Variants in NUP43 observed in about 807,000 individuals in gnomAD.
NUP43 encodes the protein nucleoporin Nup43.
In NUP43, 32 loss-of-function variants were observed where a neutral mutation model predicts 47.3. That is an observed-to-expected ratio of 0.68 (90% CI 0.51 to 0.91). The LOEUF (loss-of-function observed/expected upper bound fraction) is 0.91. Among genes scored for constraint, NUP43 ranks in the 40% least tolerant of loss-of-function variants. The probability of loss-of-function intolerance (pLI) is 0.00; values close to 1 mark genes in which losing one functional copy is unlikely to be tolerated. For missense variants in NUP43, 444 were observed against 453.9 expected (o/e 0.98, Z 0.20); for synonymous variants, 147 against 158.4 (o/e 0.93, Z 0.54).
rs571291165 is a variant in NUP43, at chr6:149,738,546, G to A, written c.638+97C>T. ...TAATCAGGGATCTCCCTCTTAAAATGCAATTAAAATTCAATATGGCTTAAA... is the reference window on the plus strand; with the variant it reads ...TAATCAGGGATCTCCCTCTTAAAATACAATTAAAATTCAATATGGCTTAAA... On this transcript the variant is annotated intron_variant, in intron 5 of 7. Coordinates refer to ENST00000340413, the MANE Select transcript of NUP43 (RefSeq NM_198887.3). The A allele has an allele frequency of 3.4e-6, 3 of 880,932 alleles. No homozygotes were observed. In the Admixed American group the frequency reaches 1.0e-4, roughly 29 times the overall value. The allele number at this position is 880,932 out of a possible 1,614,324, so 54.6% of individuals were successfully genotyped here.
rs766372726 is a variant in NUP43 at position 149,727,102 on chromosome 6, T to C, written c.1010A>G (p.Lys337Arg). The C allele has an allele frequency of 1.5e-5, 25 of 1,614,036 alleles. 1 individual carries two copies. The highest frequency in any genetic ancestry group is 1.4e-5 in the Non-Finnish European group (17 of 1,180,020). ...ISSWLSTDPAKDRIEITSLLP... is the reference protein window; with the variant it reads ...ISSWLSTDPARDRIEITSLLP... Reference sequence around the variant, plus strand: ...TAAGCTTGTGATTTCAATTCGGTCTTTTGCAGGATCAGTGCTGAGCCAGGA... The same window carrying C: ...TAAGCTTGTGATTTCAATTCGGTCTCTTGCAGGATCAGTGCTGAGCCAGGA... The change falls in exon 8 of 8, where the codon AAA (lysine) becomes AGA (arginine). Residue 337 changes from lysine (K) to arginine (R), a missense_variant. Lys to Arg is a conservative substitution (Grantham distance 26). Coordinates refer to ENST00000340413, the MANE Select transcript of NUP43 (RefSeq NM_198887.3).
chr6:149,740,965 A>G (rs1296195267), intron 4 of NUP43, among the ~76,000 whole-genome samples: 1 of 151,948 alleles, frequency 6.6e-6, no homozygotes. Context: ...CCCTTTGTCT[A>G]GCACGCCATC....
chr6:149,741,615 C>G (rs1299903081), intron 4 of NUP43, among the ~76,000 whole-genome samples: 1 of 152,014 alleles, frequency 6.6e-6, no homozygotes, highest in Admixed American at 6.6e-5. Flanking sequence ...AAGTGATTCT[C>G]CTGCCTCAGC....
At chr6:149,746,883 A>C (rs1433002968), upstream of NUP43, among the ~76,000 whole-genome samples, 1 of 152,230 alleles carries the variant, frequency 6.6e-6, no homozygotes, top group African/African-American at 2.4e-5. Flanking sequence ...ATAGAAAACG[A>C]TTCAAAAATC....
At chr6:149,741,841 T>C (rs1475559360) in intron 4 of NUP43, among the ~76,000 whole-genome samples, 1 of 151,962 alleles carries the variant, frequency 6.6e-6, no homozygotes. Flanking sequence ...TCAATTACTC[T>C]GATGGATGAA....
upstream of NUP43, among the ~76,000 whole-genome samples, chr6:149,747,450 ATTTTTTT>A (rs774011395): frequency 1.5e-5 from 2 of 136,470 alleles, no homozygotes; most frequent in Non-Finnish European, 1.6e-5. Flanking sequence ...TGCCTGGCTA[ATTTTTTT>A]TTTTTTTTTT....
chr6:149,740,297 A>AT (rs1304026464), intron 4 of NUP43, among the ~76,000 whole-genome samples: 4 of 150,488 alleles, frequency 2.7e-5, no homozygotes, highest in African/African-American at 9.8e-5. Flanking sequence ...AAAAAAAAAA[A>AT]AAAGTAATGC....
chr6:149,735,968 G>C (rs1308973747), intron 6 of NUP43, among the ~76,000 whole-genome samples: 14 of 104,642 alleles, frequency 1.3e-4, no homozygotes, highest in Non-Finnish European at 3.8e-5. Context: ...ACCAGACCCT[G>C]TCTCTTTAAA....
chr6:149,739,600 T>C (rs1243575986), intron 4 of NUP43, among the ~76,000 whole-genome samples: 1 of 152,202 alleles, frequency 6.6e-6, no homozygotes, highest in Non-Finnish European at 1.5e-5. Context: ...AACTGTTTTC[T>C]AAATGGAAGG....
chr6:149,731,759 T>C, intron 6 of NUP43, 24 bp from the exon 7 acceptor site: 1 of 1,611,644 alleles, frequency 6.2e-7, no homozygotes, highest in Non-Finnish European at 8.5e-7. Flanking sequence ...ATCAATAAGC[T>C]CATTCCTGTG....
intron 6 of NUP43, among the ~76,000 whole-genome samples, chr6:149,732,306 G>T (rs922443591): frequency 6.6e-6 from 1 of 152,040 alleles, no homozygotes; most frequent in Non-Finnish European, 1.5e-5. Context: ...AACACTTTGG[G>T]AGGCCAAGGT....
chr6:149,748,872 C>G (rs913062176), upstream of NUP43, among the ~76,000 whole-genome samples: 3 of 148,944 alleles, frequency 2.0e-5, no homozygotes, highest in African/African-American at 7.4e-5. Context: ...TTCTGTCAGT[C>G]TCAGGTCTAA....
At chr6:149,742,656 C>T in intron 3 of NUP43, 86 bp from the exon 4 acceptor site, 1 of 942,740 alleles carries the variant, frequency 1.1e-6, no homozygotes, top group East Asian at 2.6e-5. Context: ...TAAATTCTGA[C>T]TCACACCCTT....
chr6:149,742,883 T>C (rs11155675), intron 3 of NUP43, among the ~76,000 whole-genome samples: 47,477 of 152,148 alleles, frequency 0.31, 8,327 homozygotes, highest in East Asian at 0.5. Flanking sequence ...ACATCTAAAA[T>C]ATACATATCT....
intron 4 of NUP43, among the ~76,000 whole-genome samples, chr6:149,740,792 A>G (rs1259882622): frequency 6.6e-6 from 1 of 152,216 alleles, no homozygotes; most frequent in Non-Finnish European, 1.5e-5. Context: ...TCCACCTAAA[A>G]GATGTAACTT....
intron 6 of NUP43, among the ~76,000 whole-genome samples, chr6:149,735,201 A>G (rs1277389447): frequency 6.6e-6 from 1 of 152,026 alleles, no homozygotes; most frequent in Non-Finnish European, 1.5e-5. Flanking sequence ...AAGCTGGTGC[A>G]TGCCACTCAC....
At chr6:149,731,475 A>C (rs1262612192) in intron 7 of NUP43, 138 bp downstream of exon 7, 1 of 650,672 alleles carries the variant, frequency 1.5e-6, no homozygotes, top group East Asian at 3.2e-5. Flanking sequence ...AGGCACGAGA[A>C]TCGCTTGAAC....
intron 1 of NUP43, 72 bp from the exon 2 acceptor site, chr6:149,746,134 T>C (rs1452116085): frequency 4.6e-6 from 7 of 1,537,164 alleles, no homozygotes; most frequent in Non-Finnish European, 5.3e-6. Context: ...TGTGCTCCCG[T>C]CCGGAAATGT....
rs145094318 is a variant in NUP43 at position 149,740,143 on chromosome 6, G to T, written c.503-1365C>A. On this transcript the variant is annotated intron_variant, in intron 4 of 7. Transcript: ENST00000340413. ...CTACAAAAATTAGCTGGGCATGGTGGTGTGCATCTGTAGTCCCACATCCCT... is the reference window on the plus strand; with the variant it reads ...CTACAAAAATTAGCTGGGCATGGTGTTGTGCATCTGTAGTCCCACATCCCT... Among the ~76,000 whole-genome samples, 176 of 152,024 alleles carry T rather than the reference G, an allele frequency of 1.2e-3. 1 individual carries two copies. Among genetic ancestry groups the T allele is most frequent in the African/African-American group, 4.0e-3 (165 of 41,468 alleles).
Sources: allele counts gnomAD v4.1 joint callset (sites outside exome capture counted in the v4.1 genomes callset), GRCh38; gene constraint gnomAD v4.1.1; transcripts MANE v1.5; gene names NCBI Gene and HGNC (gene_info 2026-07-23, HGNC 2026-07-21).